Variants in CFAP20DC observed in about 807,000 individuals in gnomAD.
CFAP20DC encodes protein CFAP20DC.
A neutral mutation model predicts 101.7 loss-of-function variants in CFAP20DC; 84 were observed. The ratio of observed to expected loss-of-function variants is 0.83; its 90% CI spans 0.69 to 0.99. CFAP20DC has a LOEUF of 0.99. Among genes scored for constraint, CFAP20DC ranks in the 50% least tolerant of loss-of-function variants. CFAP20DC has a pLI of 0.00. For missense variants in CFAP20DC, 1,007 were observed against 970.3 expected (o/e 1.04, Z -0.50); for synonymous variants, 359 against 351.2 (o/e 1.02, Z -0.25).
intron 3 of CFAP20DC, among the ~76,000 whole-genome samples, chr3:58,719,028 G>C (rs2067433655): frequency 1.3e-5 from 2 of 152,052 alleles, no homozygotes. Context: ...GGATCACTTG[G>C]GCCTAGGAGT....
chr3:58,770,509 C>T (rs1243188040), intron 15 of CFAP20DC, among the ~76,000 whole-genome samples: 1 of 152,112 alleles, frequency 6.6e-6, no homozygotes, highest in African/African-American at 2.4e-5. Context: ...TCAGGGAAGG[C>T]TTTCTAGCAA....
At chr3:58,797,098 G>A (rs940560615) in intron 15 of CFAP20DC, among the ~76,000 whole-genome samples, 5 of 152,160 alleles carry the variant, frequency 3.3e-5, no homozygotes, top group African/African-American at 1.2e-4. Flanking sequence ...TAACCCTACA[G>A]TGGACCCTGA....
intron 13 of CFAP20DC, among the ~76,000 whole-genome samples, chr3:58,841,692 A>C (rs1258500337): frequency 6.6e-6 from 1 of 152,162 alleles, no homozygotes; most frequent in African/African-American, 2.4e-5. Context: ...GTGAAGGTTA[A>C]AGTCAAAAGT....
intron 14 of CFAP20DC, among the ~76,000 whole-genome samples, chr3:58,817,344 G>A (rs1226624606): frequency 6.6e-6 from 1 of 152,076 alleles, no homozygotes; most frequent in Non-Finnish European, 1.5e-5. Flanking sequence ...ATTACTCTGA[G>A]CTATGGGAGG....
At chr3:58,747,551 C>G (rs2068288653) in intron 16 of CFAP20DC, among the ~76,000 whole-genome samples, 1 of 152,164 alleles carries the variant, frequency 6.6e-6, no homozygotes, top group African/African-American at 2.4e-5. Flanking sequence ...TTTTCTGACA[C>G]TGCCGTCTAC....
rs1357999230 is a variant in CFAP20DC at position 58,722,786 on chromosome 3, A to G, written c.198-5158T>C. ...CTGCTGGTATCCTGCCAAGAGAGAT[A>G]AACAGTCTCATCTTGCACTGCATTT... is the stretch of plus-strand genomic sequence containing the variant. On this transcript the variant is annotated intron_variant, in intron 3 of 3. Transcript: ENST00000486145. The surrounding 1 kb of genome is among the most constrained non-coding windows in gnomAD (Gnocchi z 4.5). Among the ~76,000 whole-genome samples, 2 of 152,236 alleles carry G rather than the reference A, an allele frequency of 1.3e-5. No individual in the cohort carries two copies. The highest frequency in any genetic ancestry group is 6.5e-5 in the Admixed American group (1 of 15,284).
chr3:58,852,783 C>T (rs2078373183), intron 12 of CFAP20DC, among the ~76,000 whole-genome samples: 2 of 150,882 alleles, frequency 1.3e-5, no homozygotes, highest in South Asian at 2.2e-4. Context: ...TCTTTGAAAC[C>T]AACGAGAACA....
intron 12 of CFAP20DC, among the ~76,000 whole-genome samples, chr3:58,858,605 A>C (rs10049357): frequency 0.068 from 10,318 of 152,266 alleles, 695 homozygotes; most frequent in African/African-American, 0.18. Context: ...AGTGGATGAT[A>C]ATATTTATTC....
In CFAP20DC at chr3:58,742,253, T is replaced by A; in HGVS notation, c.*207A>T. On this transcript the variant is annotated 3_prime_UTR_variant, in exon 17 of 17. Coordinates refer to ENST00000482387, the MANE Select transcript of CFAP20DC (RefSeq NM_001394063.1). ...TCCTAAAATCTTGCCTCTGTATTAA[T>A]TTCTTCAGTTTCAAAATCATACTCA... 8.9e-7 allele frequency: 1 copy of A among 1,123,840 alleles called. No individual in the cohort carries two copies. The highest frequency in any genetic ancestry group is 1.1e-6 in the Non-Finnish European group (1 of 914,112). 69.6% of individuals were successfully genotyped at this position (1,123,840 alleles called of 1,614,324 possible).
intron 6 of CFAP20DC, among the ~76,000 whole-genome samples, chr3:58,903,711 T>C (rs1356537404): frequency 1.3e-5 from 2 of 152,146 alleles, no homozygotes. Context: ...TGAGGGTAAC[T>C]GCAGCCATGA....
chr3:58,818,891 G>A lies in CFAP20DC; in HGVS notation c.2176-12435C>T, dbSNP rs2075401279. Among the ~76,000 whole-genome samples the A allele has an allele frequency of 2.8e-5, 4 of 142,484 alleles. No homozygotes were observed. In the South Asian group the frequency reaches 9.7e-4, roughly 35 times the overall value. 93.5% of individuals were successfully genotyped at this position (142,484 alleles called of 152,430 possible). A position where few individuals can be genotyped will look rare whatever the true frequency, so the allele number is the denominator to read the frequency against. On this transcript the variant is annotated intron_variant, in intron 14 of 16. Coordinates refer to ENST00000482387, the MANE Select transcript of CFAP20DC (RefSeq NM_001394063.1). ...TCCAAAATTGACCACATACTGGGAAGTAAAGCTCTCCTCAGCAAATGTAAA... is the reference window on the plus strand; with the variant it reads ...TCCAAAATTGACCACATACTGGGAAATAAAGCTCTCCTCAGCAAATGTAAA...
At chr3:58,834,065 A>G (rs1051787392) in intron 13 of CFAP20DC, among the ~76,000 whole-genome samples, 16 of 152,164 alleles carry the variant, frequency 1.1e-4, no homozygotes, top group African/African-American at 3.4e-4. Context: ...AGTGACTACT[A>G]GTGGGTGCAT....
chr3:58,720,743 CA>C (rs1411579361), intron 3 of CFAP20DC, among the ~76,000 whole-genome samples: 1 of 152,114 alleles, frequency 6.6e-6, no homozygotes, highest in African/African-American at 2.4e-5. Context: ...TTAACAGTGT[CA>C]AAGTACTCTC....
rs76463778 is a variant in CFAP20DC at position 58,912,672 on chromosome 3, T to C, written c.550+1036A>G. The C allele has an allele frequency of 1.7e-3, 739 of 443,098 alleles. 5 individuals carry two copies. The highest frequency in any genetic ancestry group is 0.014 in the African/African-American group (696 of 49,352). 27.4% of individuals were successfully genotyped at this position (443,098 alleles called of 1,614,324 possible). A position where few individuals can be genotyped will look rare whatever the true frequency, so the allele number is the denominator to read the frequency against. ...AAAGGAGGCATCAGTATTCTTTCAA[T>C]ACTTTTGGTTGTTTAAAACCATCTG... On this transcript the variant is annotated intron_variant, in intron 6 of 16. Transcript: ENST00000482387. The surrounding 1 kb of genome is among the most constrained non-coding windows in gnomAD (Gnocchi z 4.4).
intron 15 of CFAP20DC, among the ~76,000 whole-genome samples, chr3:58,801,050 TGAGA>T (rs143776206): frequency 5.3e-5 from 7 of 131,664 alleles, no homozygotes; most frequent in East Asian, 5.1e-4. Flanking sequence ...GGGGAGTAAG[TGAGA>T]GAGAGAGAGA....
At chr3:59,047,369 C>T in intron 1 of CFAP20DC, 115 bp from the exon 2 acceptor site, 1 of 663,508 alleles carries the variant, frequency 1.5e-6, no homozygotes, top group Admixed American at 2.7e-5. Flanking sequence ...TGGGATGAAA[C>T]ATTCTCCCTG....
At chr3:59,034,163 C>T (rs1190701474) in intron 4 of CFAP20DC, among the ~76,000 whole-genome samples, 1 of 152,176 alleles carries the variant, frequency 6.6e-6, no homozygotes, top group Non-Finnish European at 1.5e-5. Flanking sequence ...TTTGTCACCA[C>T]AAGGCCTGCC....
chr3:59,015,746 T>C lies in CFAP20DC; in HGVS notation c.278+23811A>G, dbSNP rs1298088227. Among the ~76,000 whole-genome samples the C allele has an allele frequency of 6.6e-6, 1 of 152,126 alleles. No individual in the cohort carries two copies. Among genetic ancestry groups the C allele is most frequent in the East Asian group, 1.9e-4 (1 of 5,184 alleles). ...GACATCCAGACTTCTTTCCATAAGA[T>C]GGCAAATTTCTAAAAAATGCCAGAC... On this transcript the variant is annotated intron_variant, in intron 4 of 16. Transcript: ENST00000482387. This position sits in a 1 kb window ranked among gnomAD's most constrained non-coding sequence, Gnocchi z 5.4.
intron 6 of CFAP20DC, among the ~76,000 whole-genome samples, chr3:58,909,111 A>G (rs2083892149): frequency 6.6e-6 from 1 of 152,184 alleles, no homozygotes; most frequent in African/African-American, 2.4e-5. Flanking sequence ...GAACCCAAAG[A>G]GCGTATAGTA....
Sources: allele counts gnomAD v4.1 joint callset (sites outside exome capture counted in the v4.1 genomes callset), GRCh38; gene constraint gnomAD v4.1.1; non-coding constraint Gnocchi (gnomAD v3.1); transcripts MANE v1.5; gene names NCBI Gene and HGNC (gene_info 2026-07-23, HGNC 2026-07-21).